NEK7: variants seen among roughly 807,000 people sequenced by gnomAD.
NEK7 encodes serine/threonine-protein kinase Nek7.
Under a neutral mutation model 44.6 loss-of-function variants are expected in NEK7, and 18 were observed. That is an observed-to-expected ratio of 0.40 (90% CI 0.28 to 0.60). The LOEUF (loss-of-function observed/expected upper bound fraction) is 0.60, where lower values mean the gene tolerates loss of function less well. Among genes scored for constraint, NEK7 ranks in the 20% least tolerant of loss-of-function variants. The probability of loss-of-function intolerance (pLI) is 0.38; values close to 1 mark genes in which losing one functional copy is unlikely to be tolerated. For missense variants in NEK7, 256 were observed against 366.5 expected (o/e 0.70, Z 2.46); for synonymous variants, 130 against 121.1 (o/e 1.07, Z -0.48).
chr1:198,316,278 A>G (rs1655365749), intron 9 of NEK7, among the ~76,000 whole-genome samples: 1 of 152,230 alleles, frequency 6.6e-6, no homozygotes, highest in Admixed American at 6.5e-5. Context: ...CAGCATTTTA[A>G]GAAACAGGCT....
At chr1:198,211,275 G>A (rs1390003353) in intron 1 of NEK7, among the ~76,000 whole-genome samples, 2 of 152,130 alleles carry the variant, frequency 1.3e-5, no homozygotes, top group Non-Finnish European at 2.9e-5. Context: ...TTTTAGCAAT[G>A]AGTGTCAGGA....
rs372213933 is a variant in NEK7, at chr1:198,210,942, C to T, written c.-28-21611C>T. On this transcript the variant is annotated intron_variant, in intron 1 of 9. Transcript: ENST00000367385. ...TAATTTTTTGTATTTTTAGTAGAGA[C>T]GGGGTTTCACCGTTTTAGCCGGGAT... Among the ~76,000 whole-genome samples the T allele has an allele frequency of 2.0e-4, 31 of 151,318 alleles. No individual in the cohort carries two copies. In the East Asian group the frequency reaches 3.7e-3, roughly 18 times the overall value.
At chr1:198,166,646 GCAGT>G (rs1241400571) in intron 1 of NEK7, among the ~76,000 whole-genome samples, 1 of 152,184 alleles carries the variant, frequency 6.6e-6, no homozygotes, top group Non-Finnish European at 1.5e-5. Context: ...GTGCAGTGAA[GCAGT>G]CAGAACATTC....
At chr1:198,308,048 G>A (rs756578025) in intron 9 of NEK7, among the ~76,000 whole-genome samples, 1 of 152,082 alleles carries the variant, frequency 6.6e-6, no homozygotes, top group Non-Finnish European at 1.5e-5. Context: ...TCTATAAAAT[G>A]AGACTGTTGT....
At chr1:198,296,429 GATA>G (rs916994262) in intron 8 of NEK7, among the ~76,000 whole-genome samples, 5 of 152,100 alleles carry the variant, frequency 3.3e-5, no homozygotes, top group Non-Finnish European at 7.4e-5. Flanking sequence ...ATTTAAATTC[GATA>G]ATGTCTTTTT....
chr1:198,161,721 T>A (rs920642475), intron 1 of NEK7, among the ~76,000 whole-genome samples: 13 of 152,214 alleles, frequency 8.5e-5, no homozygotes, highest in African/African-American at 3.1e-4. Context: ...TTCTGGAGGA[T>A]CCCACTCCTA....
At chr1:198,182,810 A>G (rs1664807709) in intron 1 of NEK7, among the ~76,000 whole-genome samples, 1 of 152,158 alleles carries the variant, frequency 6.6e-6, no homozygotes, top group South Asian at 2.1e-4. Flanking sequence ...TGTTGGATAT[A>G]ATGGGAGATT....
intron 8 of NEK7, among the ~76,000 whole-genome samples, chr1:198,294,930 A>G (rs576590220): frequency 4.0e-4 from 61 of 152,292 alleles, no homozygotes; most frequent in African/African-American, 1.4e-3. Context: ...GTTAATAGAA[A>G]TAGCTAACAG....
At chr1:198,216,536 A>G (rs907679287) in intron 1 of NEK7, among the ~76,000 whole-genome samples, 12 of 151,904 alleles carry the variant, frequency 7.9e-5, no homozygotes, top group African/African-American at 2.9e-4. Context: ...AGAGACAAGA[A>G]CAAACCAAAC....
intron 5 of NEK7, among the ~76,000 whole-genome samples, chr1:198,271,905 T>TTTATA (rs751259588): frequency 4.2e-4 from 60 of 141,388 alleles, no homozygotes; most frequent in South Asian, 2.2e-4. Flanking sequence ...AATTTATATT[T>TTTATA]TATATATATA....
At chr1:198,297,076 C>A (rs918214655) in intron 8 of NEK7, 51 bp from the exon 9 acceptor site, 1 of 1,163,442 alleles carries the variant, frequency 8.6e-7, no homozygotes, top group African/African-American at 1.5e-5. Flanking sequence ...GATGAAATCA[C>A]CTTTTAAGTT....
intron 1 of NEK7, among the ~76,000 whole-genome samples, chr1:198,174,384 T>C (rs1243087758): frequency 6.6e-6 from 1 of 151,820 alleles, no homozygotes; most frequent in Non-Finnish European, 1.5e-5. Flanking sequence ...AAAAAAAATC[T>C]CAAAGGTACA....
chr1:198,247,337 G>A (rs1666860952), intron 2 of NEK7, among the ~76,000 whole-genome samples: 1 of 152,096 alleles, frequency 6.6e-6, no homozygotes, highest in East Asian at 1.9e-4. Context: ...GTCCCATAAT[G>A]TTGGGTCATA....
intron 1 of NEK7, among the ~76,000 whole-genome samples, chr1:198,202,980 T>C (rs1665479340): frequency 6.6e-6 from 1 of 152,182 alleles, no homozygotes; most frequent in African/African-American, 2.4e-5. Context: ...TTCTACCACT[T>C]CTTTTTTTTC....
At chr1:198,306,774 G>A (rs542360316) in intron 9 of NEK7, among the ~76,000 whole-genome samples, 1 of 152,132 alleles carries the variant, frequency 6.6e-6, no homozygotes, top group African/African-American at 2.4e-5. Flanking sequence ...CACAAAAGTA[G>A]GTTACTTGTG....
intron 8 of NEK7, among the ~76,000 whole-genome samples, chr1:198,296,324 C>T (rs985472358): frequency 2.6e-5 from 4 of 152,106 alleles, no homozygotes; most frequent in Admixed American, 6.5e-5. Context: ...GAACAGGATG[C>T]GAACATTTTA....
intron 2 of NEK7, among the ~76,000 whole-genome samples, chr1:198,242,809 A>AG (rs1222295790): frequency 4.0e-4 from 56 of 140,880 alleles, no homozygotes; most frequent in Admixed American, 1.9e-3. Context: ...TATATTTTTA[A>AG]TTTTTTTTTT....
At chr1:198,188,370 A>G (rs1472813601) in intron 1 of NEK7, among the ~76,000 whole-genome samples, 1 of 152,196 alleles carries the variant, frequency 6.6e-6, no homozygotes, top group Non-Finnish European at 1.5e-5. Flanking sequence ...GAGTATCAGC[A>G]TAGTAGTACC....
At chr1:198,159,693 C>T (rs1305455245) in intron 1 of NEK7, among the ~76,000 whole-genome samples, 1 of 152,114 alleles carries the variant, frequency 6.6e-6, no homozygotes, top group Non-Finnish European at 1.5e-5. Context: ...TTGCTTTCCC[C>T]CTTTCATATT....
Sources: allele counts gnomAD v4.1 joint callset (sites outside exome capture counted in the v4.1 genomes callset), GRCh38; gene constraint gnomAD v4.1.1; transcripts MANE v1.5; gene names NCBI Gene and HGNC (gene_info 2026-07-23, HGNC 2026-07-21).